Variants in MPP3 observed in about 807,000 individuals in gnomAD.
MPP3 encodes MAGUK p55 subfamily member 3.
A neutral mutation model predicts 80.7 loss-of-function variants in MPP3; 48 were observed. The observed-to-expected ratio is 0.59, with a 90% CI of 0.47 to 0.76. The LOEUF (loss-of-function observed/expected upper bound fraction) is 0.76. Among genes scored for constraint, MPP3 ranks in the 30% least tolerant of loss-of-function variants. The pLI is 0.00. For missense variants in MPP3, 620 were observed against 763.0 expected (o/e 0.81, Z 2.21); for synonymous variants, 311 against 297.6 (o/e 1.04, Z -0.46).
At chr17:43,824,472 C>A (rs139671615) in intron 9 of MPP3, among the ~76,000 whole-genome samples, 1 of 152,284 alleles carries the variant, frequency 6.6e-6, no homozygotes, top group African/African-American at 2.4e-5. Flanking sequence ...TAATACTTCC[C>A]TCTTTGCTTC....
intron 19 of MPP3, among the ~76,000 whole-genome samples, chr17:43,808,169 A>C (rs2044699153): frequency 6.6e-6 from 1 of 152,222 alleles, no homozygotes; most frequent in Non-Finnish European, 1.5e-5. Flanking sequence ...GATTGCATCA[A>C]AATCTTGACT....
intron 19 of MPP3, among the ~76,000 whole-genome samples, chr17:43,806,299 G>A (rs1314725825): frequency 6.6e-6 from 1 of 152,096 alleles, no homozygotes; most frequent in Non-Finnish European, 1.5e-5. Context: ...CCGAGTAGCT[G>A]GGATTACAGA....
intron 19 of MPP3, among the ~76,000 whole-genome samples, chr17:43,808,246 A>G (rs1410013671): frequency 1.3e-5 from 2 of 152,202 alleles, no homozygotes; most frequent in East Asian, 3.8e-4. Flanking sequence ...CCAGCTATAT[A>G]GGACAGCAAG....
chr17:43,810,857 G>T lies in MPP3; in HGVS notation c.1408C>A (p.Gln470Lys). 1 of 1,612,100 alleles carries T rather than the reference G, an allele frequency of 6.2e-7. No homozygotes were observed. The highest frequency in any genetic ancestry group is 8.5e-7 in the Non-Finnish European group (1 of 1,179,508). ...ACTTTGTTTTTGGCCATAACAGCCTGAATGGCCTCCAGGCTGGTTCCATAC... is the reference window on the plus strand; with the variant it reads ...ACTTTGTTTTTGGCCATAACAGCCTTAATGGCCTCCAGGCTGGTTCCATAC... ...NLYGTSLEAI[Q>K]AVMAKNKVCL... The change falls in exon 18 of 20, where the codon CAG becomes AAG. Residue 470 changes from glutamine (Q) to lysine (K), a missense_variant. Physicochemically the swap from Gln to Lys is moderately conservative, Grantham distance 53. Coordinates refer to ENST00000398389, the MANE Select transcript of MPP3 (RefSeq NM_001932.6).
chr17:43,820,984 G>T lies in MPP3; in HGVS notation c.759C>A (p.Pro253=). The T allele has an allele frequency of 1.2e-6, 2 of 1,613,192 alleles. No individual in the cohort carries two copies. The highest frequency in any genetic ancestry group is 1.7e-6 in the Non-Finnish European group (2 of 1,179,914). Residue 253 remains proline (P), a synonymous_variant, in exon 11 of 20, where the codon CCC becomes CCA. Coordinates refer to ENST00000398389, the MANE Select transcript of MPP3 (RefSeq NM_001932.6). ...CCTCCAGGACCTGCCTGCGCTGGAAGGGCAGGCCCGCCTCCTGGCAAGGGA... is the reference window on the plus strand; with the variant it reads ...CCTCCAGGACCTGCCTGCGCTGGAATGGCAGGCCCGCCTCCTGGCAAGGGA... ...RAIPCQEAGL[P]FQRRQVLEVV...
chr17:43,810,832 A>G lies in MPP3; in HGVS notation c.1433T>C (p.Val478Ala). Residue 478 changes from valine (V) to alanine (A), a missense_variant, in exon 18 of 20, where the codon GTT becomes GCT. Physicochemically the swap from Val to Ala is moderately conservative, Grantham distance 64. Transcript: ENST00000398389. ...TTCTGGCTCCACATCCACCAAACAA[A>G]CTTTGTTTTTGGCCATAACAGCCTG... ...AIQAVMAKNK[V>A]CLVDVEPEAL... 2 of 1,608,670 alleles carry G rather than the reference A, an allele frequency of 1.2e-6. No homozygotes were observed. Among genetic ancestry groups the G allele is most frequent in the Middle Eastern group, 1.7e-4 (1 of 6,040 alleles).
intron 12 of MPP3, 117 bp downstream of exon 12, chr17:43,817,929 C>A: frequency 1.6e-6 from 1 of 632,534 alleles, no homozygotes; most frequent in Non-Finnish European, 2.5e-6. Flanking sequence ...AGTCCATGAG[C>A]TCAGACAAGA....
chr17:43,816,576 C>T (rs2045145344), intron 13 of MPP3, 101 bp downstream of exon 13: 1 of 1,104,840 alleles, frequency 9.1e-7, no homozygotes. Context: ...GTGGGAGGGG[C>T]ACAGCTGCCC....
intron 12 of MPP3, among the ~76,000 whole-genome samples, chr17:43,817,085 C>T (rs185171903): frequency 6.6e-5 from 10 of 152,280 alleles, no homozygotes; most frequent in Middle Eastern, 3.4e-3. Context: ...CCCTGGAAAA[C>T]GCAGATGCCT....
At chr17:43,802,468 AG>A (rs1598312141) in intron 19 of MPP3, among the ~76,000 whole-genome samples, 1 of 152,218 alleles carries the variant, frequency 6.6e-6, no homozygotes, top group Non-Finnish European at 1.5e-5. Context: ...TATTTAAGAA[AG>A]CACTGGACAA....
intron 18 of MPP3, among the ~76,000 whole-genome samples, chr17:43,809,420 T>C (rs1449869202): frequency 6.6e-6 from 1 of 152,156 alleles, no homozygotes; most frequent in East Asian, 1.9e-4. Context: ...TTCTGATGGG[T>C]GAGGAAGCAG....
rs768796631 is a variant in MPP3 at position 43,814,199 on chromosome 17, A to G, written c.1172T>C (p.Ile391Thr). The G allele has an allele frequency of 3.7e-6, 6 of 1,613,212 alleles. No homozygotes were observed. In the South Asian group the frequency reaches 6.6e-5, roughly 18 times the overall value. Residue 391 changes from isoleucine (I) to threonine (T), a missense_variant and splice_region_variant, in exon 15 of 20, where the codon ATC (isoleucine) becomes ACC (threonine). By Grantham distance (89) the Ile-to-Thr change is moderately conservative. Coordinates refer to ENST00000398389, the MANE Select transcript of MPP3 (RefSeq NM_001932.6). Reference sequence around the variant, plus strand: ...TGGAAACCCAGGATGGCACCTACCGATCAGAACCACCAGGCGGGGCCGCTC... The same window carrying G: ...TGGAAACCCAGGATGGCACCTACCGGTCAGAACCACCAGGCGGGGCCGCTC... ...PGERPRLVVL[I>T]GSLGARLHEL... is the part of the protein sequence containing the mutation.
intron 2 of MPP3, 100 bp downstream of exon 2, chr17:43,832,661 C>G (rs1403500620): frequency 6.6e-6 from 1 of 152,394 alleles, no homozygotes; most frequent in African/African-American, 2.4e-5. Flanking sequence ...ATGGAGCCAG[C>G]CCGCAGCGCC....
chr17:43,806,406 TC>T (rs1181539070), intron 19 of MPP3, among the ~76,000 whole-genome samples: 1 of 152,108 alleles, frequency 6.6e-6, no homozygotes, highest in Admixed American at 6.5e-5. Flanking sequence ...CCTCTGATGA[TC>T]CACCCACCTC....
intron 18 of MPP3, 21 bp from the exon 19 acceptor site, chr17:43,809,099 A>G (rs961876425): frequency 6.3e-7 from 1 of 1,575,832 alleles, no homozygotes; most frequent in Non-Finnish European, 8.6e-7. Context: ...AAGTTCAGGA[A>G]TATTATATAC....
At chr17:43,828,113 G>A (rs887920269) in intron 7 of MPP3, among the ~76,000 whole-genome samples, 2 of 152,178 alleles carry the variant, frequency 1.3e-5, no homozygotes, top group African/African-American at 4.8e-5. Flanking sequence ...TGGTAAAGGG[G>A]AAAGCTTTTT....
In MPP3 at chr17:43,820,938, T is replaced by C; in HGVS notation, c.805A>G (p.Thr269Ala). ...VLEVVSQDDP[T>A]WWQAKRVGDT... ...CCGACTCGCTTGGCCTGCCACCACG[T>C]GGGGTCGTCCTGGCTCACCACCTCC... Residue 269 changes from threonine to alanine, a missense_variant, in exon 11 of 20, where the codon ACG becomes GCG. Transcript: ENST00000398389. 1 of 1,613,858 alleles carries C rather than the reference T, an allele frequency of 6.2e-7. No homozygotes were observed. The highest frequency in any genetic ancestry group is 1.1e-5 in the South Asian group (1 of 91,054).
intron 19 of MPP3, among the ~76,000 whole-genome samples, chr17:43,805,676 A>C (rs2044586896): frequency 6.6e-6 from 1 of 152,252 alleles, no homozygotes; most frequent in African/African-American, 2.4e-5. Flanking sequence ...TTAAGTGAAA[A>C]AAGCCAGATA....
chr17:43,823,045 G>A (rs1350238544), intron 10 of MPP3, among the ~76,000 whole-genome samples: 1 of 152,114 alleles, frequency 6.6e-6, no homozygotes, highest in African/African-American at 2.4e-5. Flanking sequence ...GTGGTAACCT[G>A]CTTGATAACA....
Sources: allele counts gnomAD v4.1 joint callset (sites outside exome capture counted in the v4.1 genomes callset), GRCh38; gene constraint gnomAD v4.1.1; transcripts MANE v1.5; gene names NCBI Gene and HGNC (gene_info 2026-07-23, HGNC 2026-07-21).